The following AGO3 variants were observed in gnomAD, a reference collection of about 807,000 sequenced individuals.
AGO3 encodes protein argonaute-3.
Under a neutral mutation model 105.5 loss-of-function variants are expected in AGO3, and 16 were observed. That is an observed-to-expected ratio of 0.15 (90% CI 0.10 to 0.23). The LOEUF (loss-of-function observed/expected upper bound fraction) is 0.23, where lower values mean the gene tolerates loss of function less well. Ranked by LOEUF, AGO3 falls within the 10% of genes least tolerant of loss-of-function variation. The pLI is 1.00. For missense variants in AGO3, 534 were observed against 1,088.0 expected (o/e 0.49, Z 7.16); for synonymous variants, 340 against 367.3 (o/e 0.93, Z 0.85).
At chr1:36,052,312 A>G (rs888023968) in intron 17 of AGO3, among the ~76,000 whole-genome samples, 3 of 152,216 alleles carry the variant, frequency 2.0e-5, no homozygotes, top group Non-Finnish European at 4.4e-5. Flanking sequence ...AACCAACCAC[A>G]GAGAGATATA....
chr1:35,960,229 A>T (rs1646649430), intron 2 of AGO3, among the ~76,000 whole-genome samples: 1 of 152,132 alleles, frequency 6.6e-6, no homozygotes, highest in African/African-American at 2.4e-5. Flanking sequence ...CTAGCTCCAC[A>T]TGCCTACCTA....
intron 6 of AGO3, among the ~76,000 whole-genome samples, chr1:36,004,762 A>C (rs1433306688): frequency 6.6e-6 from 1 of 152,162 alleles, no homozygotes; most frequent in Non-Finnish European, 1.5e-5. Context: ...ATGCTTTAGT[A>C]ATACTGTTAA....
intron 3 of AGO3, among the ~76,000 whole-genome samples, chr1:35,970,535 C>T (rs955373753): frequency 6.6e-6 from 1 of 152,136 alleles, no homozygotes; most frequent in Non-Finnish European, 1.5e-5. Flanking sequence ...GTATGCAATT[C>T]TTCTAAATCC....
At chr1:36,005,665 T>C (rs1342385125) in intron 6 of AGO3, 2 of 954,462 alleles carry the variant, frequency 2.1e-6, no homozygotes, top group African/African-American at 1.8e-5. Context: ...ATGAAGTCAC[T>C]TACATTATTT....
At chr1:35,966,780 CA>C (rs1210537717) in intron 2 of AGO3, among the ~76,000 whole-genome samples, 174 bp from the exon 3 acceptor site, 1 of 152,078 alleles carries the variant, frequency 6.6e-6, no homozygotes, top group Non-Finnish European at 1.5e-5. Context: ...CATCTTTTGG[CA>C]ATAATCAATC....
At chr1:35,978,815 G>A (rs1402312165) in intron 5 of AGO3, among the ~76,000 whole-genome samples, 1 of 151,832 alleles carries the variant, frequency 6.6e-6, no homozygotes, top group East Asian at 1.9e-4. Flanking sequence ...TCATTTTGTT[G>A]GTGGAAATAT....
At chr1:36,000,211 A>G (rs1021881585) in intron 5 of AGO3, among the ~76,000 whole-genome samples, 1 of 152,202 alleles carries the variant, frequency 6.6e-6, no homozygotes, top group Non-Finnish European at 1.5e-5. Flanking sequence ...AACTACATAT[A>G]TATGTAGGTT....
In AGO3 at chr1:36,014,041, A is replaced by G. The variant is rs147063309; in HGVS notation, c.1399A>G (p.Ile467Val). 1.9e-5 allele frequency: 30 copies of G among 1,614,166 alleles called. No homozygotes were observed. In the African/African-American group the frequency reaches 3.7e-4, roughly 20 times the overall value. ...CACACAGAGGCAGTGCAGAGAAGAA[A>G]TATTGAAGTAAGACATGTCATTACC... The part of the protein sequence containing the change: ...FATQRQCREE[I>V]LKGFTDQLRK... Residue 467 changes from isoleucine (I) to valine (V), a missense_variant, in exon 11 of 19, where the codon ATA becomes GTA. Ile to Val is a conservative substitution (Grantham distance 29). Coordinates refer to ENST00000373191, the MANE Select transcript of AGO3 (RefSeq NM_024852.4).
At chr1:35,950,379 T>C (rs570087433) in intron 2 of AGO3, among the ~76,000 whole-genome samples, 5 of 152,234 alleles carry the variant, frequency 3.3e-5, no homozygotes, top group Admixed American at 1.3e-4. Flanking sequence ...ATCATAATAG[T>C]AGAAAGATGT....
At chr1:35,930,989 G>C (rs549249940), upstream of AGO3, 41 of 341,692 alleles carry the variant, frequency 1.2e-4, 1 homozygote, top group African/African-American at 8.2e-4. Flanking sequence ...CTCCGCGCCG[G>C]CCGCTCCTGC....
At chr1:35,962,256 G>A (rs1254292703) in intron 2 of AGO3, among the ~76,000 whole-genome samples, 5 of 151,944 alleles carry the variant, frequency 3.3e-5, no homozygotes, top group South Asian at 4.1e-4. Context: ...GAAAACATAC[G>A]TTACTGGCCA....
At chr1:36,038,402 C>A (rs1363176859) in intron 14 of AGO3, among the ~76,000 whole-genome samples, 4 of 151,954 alleles carry the variant, frequency 2.6e-5, no homozygotes, top group Non-Finnish European at 5.9e-5. Context: ...ACTACAGGTG[C>A]ACGCTGACAC....
At position 36,043,559 on chromosome 1, in the gene AGO3, A is replaced by C; in HGVS notation, c.2274+11A>C. ...CATGCTGGAATACAGGTAAGCCTACACTTTGGGTAAAATATTTTAATTCAA... is the reference window on the plus strand; with the variant it reads ...CATGCTGGAATACAGGTAAGCCTACCCTTTGGGTAAAATATTTTAATTCAA... On this transcript the variant is annotated intron_variant, in intron 17 of 18. Coordinates refer to ENST00000373191, the MANE Select transcript of AGO3 (RefSeq NM_024852.4). The C allele has an allele frequency of 1.3e-6, 2 of 1,572,922 alleles. No homozygotes were observed. The highest frequency in any genetic ancestry group is 8.7e-7 in the Non-Finnish European group (1 of 1,155,374).
Position 36,027,042 on chromosome 1 carries a change from A to G in AGO3, c.1407-72A>G. On this transcript the variant is annotated intron_variant, in intron 11 of 18. Transcript: ENST00000373191. The surrounding 1 kb of genome is among the most constrained non-coding windows in gnomAD (Gnocchi z 4.0). ...GCTTCATCCTTCCATTCCCTTCCCAAACTTCCCATTACTACTTTGTAGGAA... is the reference window on the plus strand; with the variant it reads ...GCTTCATCCTTCCATTCCCTTCCCAGACTTCCCATTACTACTTTGTAGGAA... 2 of 1,510,160 alleles carry G rather than the reference A, an allele frequency of 1.3e-6. No homozygotes were observed. The highest frequency in any genetic ancestry group is 1.8e-6 in the Non-Finnish European group (2 of 1,120,232). The allele number at this position is 1,510,160 out of a possible 1,614,324, so 93.5% of individuals were successfully genotyped here.
intron 13 of AGO3, 123 bp from the exon 14 acceptor site, chr1:36,036,050 AAAAT>A: frequency 3.8e-6 from 3 of 784,300 alleles, no homozygotes; most frequent in Non-Finnish European, 5.7e-6. Context: ...AAAAAAAAAA[AAAAT>A]TTGGATTACA....
At chr1:35,943,785 C>G (rs1646304115) in intron 1 of AGO3, among the ~76,000 whole-genome samples, 1 of 150,142 alleles carries the variant, frequency 6.7e-6, no homozygotes, top group Admixed American at 6.7e-5. Flanking sequence ...TTGGTAGATA[C>G]AAACGGGGTT....
At chr1:36,004,084 A>G (rs1317522629) in intron 5 of AGO3, 2 of 298,206 alleles carry the variant, frequency 6.7e-6, no homozygotes, top group African/African-American at 2.2e-5. Context: ...CTCACCCAGA[A>G]CACTTCTCTA....
intron 14 of AGO3, among the ~76,000 whole-genome samples, chr1:36,037,169 A>G (rs1375100817): frequency 6.6e-6 from 1 of 152,168 alleles, no homozygotes; most frequent in African/African-American, 2.4e-5. Context: ...AATAGCCAAC[A>G]TTTCGAAAAT....
chr1:36,009,257 A>G (rs1640478334), intron 8 of AGO3: 6 of 811,394 alleles, frequency 7.4e-6, no homozygotes, highest in Non-Finnish European at 9.1e-6. Context: ...ACATTTTGGT[A>G]TACTATACTT....
Sources: allele counts gnomAD v4.1 joint callset (sites outside exome capture counted in the v4.1 genomes callset), GRCh38; gene constraint gnomAD v4.1.1; non-coding constraint Gnocchi (gnomAD v3.1); transcripts MANE v1.5; gene names NCBI Gene and HGNC (gene_info 2026-07-23, HGNC 2026-07-21).